SGMS1: variants seen among roughly 807,000 people sequenced by gnomAD.
The protein encoded by SGMS1 is phosphatidylcholine:ceramide cholinephosphotransferase 1.
SGMS1 carries 13 observed loss-of-function variants against 46.2 expected under a neutral mutation model. The ratio of observed to expected loss-of-function variants is 0.28; its 90% CI spans 0.18 to 0.45. SGMS1 has a LOEUF of 0.45. Among genes scored for constraint, SGMS1 ranks in the 20% least tolerant of loss-of-function variants. The pLI is 1.00. For missense variants in SGMS1, 324 were observed against 519.9 expected, an observed-to-expected ratio of 0.62 and a Z score of 3.66; for synonymous variants, 203 against 187.8, an observed-to-expected ratio of 1.08 and a Z score of -0.66.
intron 3 of SGMS1, among the ~76,000 whole-genome samples, chr10:50,477,287 G>A (rs779325195): frequency 9.9e-5 from 15 of 152,246 alleles, no homozygotes; most frequent in Non-Finnish European, 1.9e-4. Flanking sequence ...TACCCTGCTG[G>A]GTTTCAGACT....
chr10:50,343,382 T>A, intron 7 of SGMS1, 110 bp downstream of exon 7: 1 of 1,228,534 alleles, frequency 8.1e-7, no homozygotes, highest in Non-Finnish European at 1.1e-6. Context: ...GAAAAAAAAA[T>A]AGTATGTTTT....
At position 50,311,357 on chromosome 10, in the gene SGMS1, C is replaced by A. The variant is rs749328410; in HGVS notation, c.800G>T (p.Gly267Val). The A allele has an allele frequency of 6.2e-7, 1 of 1,614,024 alleles. No homozygotes were observed. Among genetic ancestry groups the A allele is most frequent in the South Asian group, 1.1e-5 (1 of 91,076 alleles). ...RRIMKLIAGG[G>V]LSITGSHNMC... ...GTTGTGAGAGCCAGTGATAGACAAGCCACCTCCAGCAATGAGCTTCATTAT... is the reference window on the plus strand; with the variant it reads ...GTTGTGAGAGCCAGTGATAGACAAGACACCTCCAGCAATGAGCTTCATTAT... Residue 267 changes from glycine to valine, a missense_variant, in exon 9 of 11, where the codon GGC becomes GTC. Gly to Val is a moderately radical substitution (Grantham distance 109). This residue lies in a region of SGMS1 where 174 missense variants were observed against 350.1 expected (regional missense o/e 0.50). Transcript: ENST00000361781.
Position 50,573,866 on chromosome 10 carries a change from C to T in SGMS1, c.-589+16287G>A, listed in dbSNP as rs143819982. ...ACAGAATAAACAATGCAGAAATAAA[C>T]CCATGTACATATAGCCAATTGATCT... is the stretch of plus-strand genomic sequence containing the variant. On this transcript the variant is annotated intron_variant, in intron 2 of 10. Coordinates refer to ENST00000361781, the MANE Select transcript of SGMS1 (RefSeq NM_147156.4). Among the ~76,000 whole-genome samples the T allele has an allele frequency of 5.0e-4, 76 of 152,158 alleles. 2 individuals carry two copies. In the East Asian group the frequency reaches 0.015, roughly 29 times the overall value.
intron 1 of SGMS1, among the ~76,000 whole-genome samples, chr10:50,612,697 T>C (rs1314182797): frequency 6.6e-6 from 1 of 152,162 alleles, no homozygotes; most frequent in Non-Finnish European, 1.5e-5. Flanking sequence ...ATTTAGCCAC[T>C]TTGTTGTTTG....
chr10:50,351,166 C>A (rs1848004753), intron 6 of SGMS1, among the ~76,000 whole-genome samples: 1 of 152,174 alleles, frequency 6.6e-6, no homozygotes, highest in Non-Finnish European at 1.5e-5. Context: ...TATTTGACTG[C>A]CCCACTGGAG....
At chr10:50,515,518 G>A (rs867578398) in intron 3 of SGMS1, among the ~76,000 whole-genome samples, 1 of 152,300 alleles carries the variant, frequency 6.6e-6, no homozygotes, top group African/African-American at 2.4e-5. Context: ...TCAAGTCCCC[G>A]GCCCAGGACA....
At chr10:50,458,437 G>A (rs547059705) in intron 5 of SGMS1, among the ~76,000 whole-genome samples, 1 of 137,304 alleles carries the variant, frequency 7.3e-6, no homozygotes, top group Non-Finnish European at 1.5e-5. Context: ...CTCACTGCAA[G>A]CTCCGCCTCC....
chr10:50,475,253 T>C (rs1416506719), intron 3 of SGMS1, among the ~76,000 whole-genome samples: 2 of 152,224 alleles, frequency 1.3e-5, no homozygotes, highest in African/African-American at 4.8e-5. Flanking sequence ...TATTGCTCTA[T>C]GGATATTAAC....
intron 6 of SGMS1, among the ~76,000 whole-genome samples, chr10:50,398,248 C>G (rs1383624838): frequency 3.3e-5 from 5 of 152,046 alleles, no homozygotes; most frequent in Admixed American, 3.3e-4. Flanking sequence ...CAATCAGGCT[C>G]TAAACAGATG....
chr10:50,478,844 T>A (rs1040511010), intron 3 of SGMS1, among the ~76,000 whole-genome samples: 2 of 152,220 alleles, frequency 1.3e-5, no homozygotes, highest in Admixed American at 1.3e-4. Flanking sequence ...AATGTAAAAT[T>A]GCCCCTGTTG....
At chr10:50,477,653 C>G (rs560955114) in intron 3 of SGMS1, among the ~76,000 whole-genome samples, 1 of 152,130 alleles carries the variant, frequency 6.6e-6, no homozygotes, top group African/African-American at 2.4e-5. Context: ...GAGGTGGGGC[C>G]TGGTGGGAAG....
chr10:50,580,423 G>GA (rs1838422125), intron 2 of SGMS1, among the ~76,000 whole-genome samples: 2 of 124,448 alleles, frequency 1.6e-5, no homozygotes, highest in Admixed American at 1.7e-4. Flanking sequence ...GCAAGTTAGG[G>GA]ACCCCCCCCC....
At chr10:50,343,235 A>G (rs1847848377) in intron 7 of SGMS1, 2 of 342,062 alleles carry the variant, frequency 5.8e-6, no homozygotes, top group East Asian at 1.1e-4. Flanking sequence ...CTTTCTTATT[A>G]AGTGAAAACA....
intron 2 of SGMS1, among the ~76,000 whole-genome samples, chr10:50,532,649 C>T (rs1354592544): frequency 6.6e-6 from 1 of 152,172 alleles, no homozygotes; most frequent in African/African-American, 2.4e-5. Flanking sequence ...GTTAACCTTG[C>T]ATCAAGTCAA....
intron 6 of SGMS1, among the ~76,000 whole-genome samples, chr10:50,430,741 A>G (rs1227071268): frequency 1.3e-5 from 2 of 152,058 alleles, no homozygotes; most frequent in Non-Finnish European, 2.9e-5. Context: ...AGTATTTTAT[A>G]TGTCTTTTAT....
chr10:50,442,031 T>C (rs1210524257), intron 5 of SGMS1, among the ~76,000 whole-genome samples: 1 of 152,208 alleles, frequency 6.6e-6, no homozygotes, highest in Admixed American at 6.5e-5. Context: ...TTAAAAGACA[T>C]TCATTAACTT....
intron 3 of SGMS1, among the ~76,000 whole-genome samples, chr10:50,514,574 T>C (rs1588860417): frequency 6.6e-6 from 1 of 152,284 alleles, no homozygotes; most frequent in Non-Finnish European, 1.5e-5. Context: ...GGTAATATAT[T>C]CACAGCTACT....
chr10:50,457,711 C>T (rs761385236), intron 5 of SGMS1, among the ~76,000 whole-genome samples: 8 of 152,296 alleles, frequency 5.3e-5, no homozygotes, highest in South Asian at 2.1e-4. Flanking sequence ...TAATGGTCTC[C>T]AGGTGCATCC....
intron 2 of SGMS1, among the ~76,000 whole-genome samples, chr10:50,548,278 G>C (rs1838118250): frequency 6.6e-6 from 1 of 152,132 alleles, no homozygotes; most frequent in Non-Finnish European, 1.5e-5. Flanking sequence ...AAAGAACAAG[G>C]CTGGAGGCAT....
Sources: gnomAD v4.1 joint callset for allele counts (sites outside exome capture counted in the v4.1 genomes callset) on GRCh38, gnomAD v4.1.1 for gene constraint, gnomAD v4.1.1 regional missense constraint, MANE v1.5 for transcripts, NCBI Gene and HGNC (gene_info 2026-07-23, HGNC 2026-07-21) for gene names.